The following EPB41L2 variants were observed in gnomAD, a reference collection of about 807,000 sequenced individuals.
The protein encoded by EPB41L2 is erythrocyte membrane protein band 4.1 like 2, also known as band 4.1-like protein 2.
EPB41L2 carries 43 observed loss-of-function variants against 113.0 expected under a neutral mutation model. That is an observed-to-expected ratio of 0.38 (90% CI 0.30 to 0.49). EPB41L2 has a LOEUF of 0.49. Ranked by LOEUF, EPB41L2 falls within the 20% of genes least tolerant of loss-of-function variation. The pLI is 0.95. For synonymous variants in EPB41L2, 442 were observed against 436.7 expected, an observed-to-expected ratio of 1.01 and a Z score of -0.15; for missense variants, 1,147 against 1,223.4, an observed-to-expected ratio of 0.94 and a Z score of 0.93.
In EPB41L2 at chr6:130,858,120, G is replaced by A; in HGVS notation, c.*5+11C>T. ...CACTAGAAAGGCCACAGACAATGAGGGCTCTCTTACCTTACTTAATCTTCC... is the reference window on the plus strand; with the variant it reads ...CACTAGAAAGGCCACAGACAATGAGAGCTCTCTTACCTTACTTAATCTTCC... On this transcript the variant is annotated intron_variant, in intron 19 of 19. Transcript: ENST00000337057. 6.3e-7 allele frequency: 1 copy of A among 1,598,940 alleles called. No homozygotes were observed. The highest frequency in any genetic ancestry group is 8.6e-7 in the Non-Finnish European group (1 of 1,166,530).
intron 1 of EPB41L2, among the ~76,000 whole-genome samples, chr6:131,024,713 T>C (rs1414716054): frequency 6.6e-6 from 1 of 152,190 alleles, no homozygotes; most frequent in African/African-American, 2.4e-5. Context: ...CACTAGGTGT[T>C]ATACTAAACA....
intron 3 of EPB41L2, among the ~76,000 whole-genome samples, chr6:130,931,692 T>C (rs1040362281): frequency 6.6e-6 from 1 of 152,102 alleles, no homozygotes; most frequent in Non-Finnish European, 1.5e-5. Flanking sequence ...CTCTTTGGGG[T>C]GGGGGTGAAG....
rs1399470976 is a variant in EPB41L2 at position 130,876,702 on chromosome 6, A to G, written c.2043+1402T>C. The stretch of plus-strand genomic sequence containing the variant: ...GTCCGTCTCCTGAGCTTTTTCTTCA[A>G]CTGTCCATATTGTCGGCATCAGGTA... On this transcript the variant is annotated intron_variant, in intron 14 of 19. Coordinates refer to ENST00000337057, the MANE Select transcript of EPB41L2 (RefSeq NM_001431.4). The G allele has an allele frequency of 2.3e-6, 3 of 1,304,072 alleles. No individual in the cohort carries two copies. The East Asian group carries it at 1.7e-4, about 72-fold the overall frequency. The allele number at this position is 1,304,072 out of a possible 1,614,324, so 80.8% of individuals were successfully genotyped here. A position where few individuals can be genotyped will look rare whatever the true frequency, so the allele number is the denominator to read the frequency against.
chr6:131,012,911 C>T (rs1787357611), intron 1 of EPB41L2, among the ~76,000 whole-genome samples: 1 of 152,194 alleles, frequency 6.6e-6, no homozygotes, highest in South Asian at 2.1e-4. Flanking sequence ...TCTTCTTTAA[C>T]TGATTTGATT....
At chr6:130,896,763 C>A (rs1341553179) in intron 8 of EPB41L2, among the ~76,000 whole-genome samples, 1 of 152,130 alleles carries the variant, frequency 6.6e-6, no homozygotes. Context: ...GTATCAAAAT[C>A]AGAAAAATAA....
Position 130,853,694 on chromosome 6 carries a change from C to T in EPB41L2, c.*5+4437G>A, listed in dbSNP as rs561126295. Among the ~76,000 whole-genome samples, 257 of 152,220 alleles carry T rather than the reference C, an allele frequency of 1.7e-3. 3 individuals are homozygous for T. The highest frequency in any genetic ancestry group is 2.7e-3 in the Non-Finnish European group (181 of 68,020). Reference sequence around the variant, plus strand: ...TTTTACCATCTTTCTGTTTGCTCTCCCCTCCCCCTACTTTCAACACTTGAT... The same window carrying T: ...TTTTACCATCTTTCTGTTTGCTCTCTCCTCCCCCTACTTTCAACACTTGAT... On this transcript the variant is annotated intron_variant, in intron 19 of 19. Transcript: ENST00000337057.
chr6:131,014,996 A>G (rs1265199693), intron 1 of EPB41L2, among the ~76,000 whole-genome samples: 2 of 152,200 alleles, frequency 1.3e-5, no homozygotes, highest in Non-Finnish European at 2.9e-5. Context: ...ATATCTAGGT[A>G]CAAAAGGCAC....
At chr6:131,025,487 G>T (rs961363900) in intron 1 of EPB41L2, among the ~76,000 whole-genome samples, 7 of 152,082 alleles carry the variant, frequency 4.6e-5, no homozygotes, top group Admixed American at 3.3e-4. Flanking sequence ...TGATCAATCG[G>T]CAAAGTCACA....
At chr6:131,042,444 T>G (rs764198581) in intron 1 of EPB41L2, among the ~76,000 whole-genome samples, 3 of 152,166 alleles carry the variant, frequency 2.0e-5, no homozygotes, top group Non-Finnish European at 2.9e-5. Flanking sequence ...CACTAAACAT[T>G]AGGGGAAAAA....
intron 4 of EPB41L2, among the ~76,000 whole-genome samples, chr6:130,917,784 A>G (rs1299139603): frequency 2.0e-5 from 3 of 152,096 alleles, no homozygotes; most frequent in African/African-American, 4.8e-5. Flanking sequence ...AAAAAAATCT[A>G]TCTCATTCAT....
intron 1 of EPB41L2, among the ~76,000 whole-genome samples, chr6:131,041,023 A>G (rs1794360907): frequency 1.3e-5 from 2 of 152,220 alleles, no homozygotes; most frequent in African/African-American, 4.8e-5. Flanking sequence ...TTTAGATTGT[A>G]AGTGACTTAA....
At chr6:130,913,998 A>G (rs1188753380) in intron 4 of EPB41L2, among the ~76,000 whole-genome samples, 1 of 152,176 alleles carries the variant, frequency 6.6e-6, no homozygotes, top group Non-Finnish European at 1.5e-5. Flanking sequence ...CAGGTTTTAG[A>G]CTTAAAGATT....
chr6:130,846,313 T>C (rs1777031752), intron 19 of EPB41L2, among the ~76,000 whole-genome samples: 1 of 152,198 alleles, frequency 6.6e-6, no homozygotes, highest in African/African-American at 2.4e-5. Flanking sequence ...AATAAATATT[T>C]ATAAAACTTC....
At chr6:130,933,398 C>G (rs1035144397) in intron 3 of EPB41L2, among the ~76,000 whole-genome samples, 5 of 152,122 alleles carry the variant, frequency 3.3e-5, no homozygotes, top group African/African-American at 4.8e-5. Flanking sequence ...TATTAAATAT[C>G]AACAAGCTTA....
intron 1 of EPB41L2, among the ~76,000 whole-genome samples, chr6:131,053,693 T>G (rs1466195095): frequency 1.3e-5 from 2 of 152,194 alleles, no homozygotes; most frequent in African/African-American, 4.8e-5. Flanking sequence ...CCTTCAGCAT[T>G]CCTTCTGGGT....
At chr6:130,863,491 G>C in intron 18 of EPB41L2, 147 bp downstream of exon 18, 1 of 575,390 alleles carries the variant, frequency 1.7e-6, no homozygotes, top group South Asian at 2.3e-5. Flanking sequence ...TTGTATCCAG[G>C]CTGTGTCTTT....
At chr6:131,037,017 G>A (rs971784602) in intron 1 of EPB41L2, among the ~76,000 whole-genome samples, 1 of 152,178 alleles carries the variant, frequency 6.6e-6, no homozygotes, top group African/African-American at 2.4e-5. Flanking sequence ...TGAAGAATCT[G>A]TCTCAAATTC....
chr6:130,961,650 T>C (rs1773573271), intron 1 of EPB41L2, among the ~76,000 whole-genome samples: 1 of 152,144 alleles, frequency 6.6e-6, no homozygotes, highest in Non-Finnish European at 1.5e-5. Context: ...GGTTCAGATG[T>C]TTCCTTAAAA....
chr6:130,929,857 T>TCTCACACACACACACA (rs1491200686), intron 3 of EPB41L2, among the ~76,000 whole-genome samples: 1 of 123,372 alleles, frequency 8.1e-6, no homozygotes, highest in Non-Finnish European at 1.7e-5. Flanking sequence ...AGACAGACAG[T>TCTCACACACACACACA]CACACACACA....
Sources: gnomAD v4.1 joint callset for allele counts (sites outside exome capture counted in the v4.1 genomes callset) on GRCh38, gnomAD v4.1.1 for gene constraint, MANE v1.5 for transcripts, NCBI Gene and HGNC (gene_info 2026-07-23, HGNC 2026-07-21) for gene names.